PPP1R13L: variants seen among roughly 807,000 people sequenced by gnomAD.
PPP1R13L encodes relA-associated inhibitor.
In PPP1R13L, 50 loss-of-function variants were observed where a neutral mutation model predicts 80.9. That is an observed-to-expected ratio of 0.62 (90% confidence interval 0.49 to 0.78). The LOEUF (loss-of-function observed/expected upper bound fraction) is 0.78, where lower values mean the gene tolerates loss of function less well. Ranked by LOEUF, PPP1R13L falls within the 30% of genes least tolerant of loss-of-function variation. The pLI is 0.00. For missense variants in PPP1R13L, 1,200 were observed against 1,205.9 expected (o/e 1.00, Z 0.07); for synonymous variants, 602 against 534.3 (o/e 1.13, Z -1.75).
Position 45,385,106 on chromosome 19 carries a change from C to T in PPP1R13L, c.2248+456G>A, listed in dbSNP as rs901069776. Among the ~76,000 whole-genome samples the T allele has an allele frequency of 2.0e-5, 3 of 152,090 alleles. No homozygotes were observed. In the East Asian group the frequency reaches 5.8e-4, roughly 29 times the overall value. ...CCCGTCGGGGAACCAGGTGATGTAG[C>T]CTGCCCCCTGGAGAGATAGGGTACA... On this transcript the variant is annotated intron_variant, in intron 11 of 12. Transcript: ENST00000360957.
At chr19:45,386,470 A>G (rs1413760470) in intron 8 of PPP1R13L, among the ~76,000 whole-genome samples, 1 of 152,100 alleles carries the variant, frequency 6.6e-6, no homozygotes, top group African/African-American at 2.4e-5. Context: ...CAAAACAATG[A>G]TTGTGGAAGC....
chr19:45,396,777 C>A lies in PPP1R13L; in HGVS notation c.480G>T (p.Arg160=), dbSNP rs1207125225. The A allele has an allele frequency of 4.4e-6, 6 of 1,355,014 alleles. No homozygotes were observed. The Admixed American group carries it at 1.6e-4, about 37-fold the overall frequency. The allele number at this position is 1,355,014 out of a possible 1,614,324, so 83.9% of individuals were successfully genotyped here. A position where few individuals can be genotyped will look rare whatever the true frequency, so the allele number is the denominator to read the frequency against. The part of the protein sequence containing the change: ...GSSLGRAPSP[R]PGPGPLRQQG... ...GCTGGCGGAGCGGGCCTGGCCCGGG[C>A]CGCGGGGAGGGCGCACGGCCGAGGG... Residue 160 remains arginine, a synonymous_variant, in exon 4 of 13, where the codon CGG becomes CGT. Coordinates refer to ENST00000360957, the MANE Select transcript of PPP1R13L (RefSeq NM_006663.4). This position sits in a 1 kb window ranked among gnomAD's most constrained non-coding sequence, Gnocchi z 5.3.
intron 12 of PPP1R13L, among the ~76,000 whole-genome samples, chr19:45,380,695 C>T (rs10417235): frequency 0.64 from 97,474 of 151,678 alleles, 33,216 homozygotes; most frequent in African/African-American, 0.89. Context: ...GGTGCATGCC[C>T]GTAATCCCAG....
chr19:45,396,762 C>T lies in PPP1R13L; in HGVS notation c.495G>A (p.Pro165=), dbSNP rs750701742. The part of the protein sequence containing the change: ...RAPSPRPGPG[P]LRQQGPPTPF... ...GCGTGGGGGGACCCTGCTGGCGGAGCGGGCCTGGCCCGGGCCGCGGGGAGG... is the reference window on the plus strand; with the variant it reads ...GCGTGGGGGGACCCTGCTGGCGGAGTGGGCCTGGCCCGGGCCGCGGGGAGG... Residue 165 remains proline (P), a synonymous_variant, in exon 4 of 13, where the codon CCG becomes CCA. Transcript: ENST00000360957. This position sits in a 1 kb window ranked among gnomAD's most constrained non-coding sequence, Gnocchi z 5.3. The T allele has an allele frequency of 2.2e-6, 3 of 1,344,262 alleles. No homozygotes were observed. Among genetic ancestry groups the T allele is most frequent in the Non-Finnish European group, 2.8e-6 (3 of 1,057,730 alleles). 83.3% of individuals were successfully genotyped at this position (1,344,262 alleles called of 1,614,324 possible). A position where few individuals can be genotyped will look rare whatever the true frequency, so the allele number is the denominator to read the frequency against.
rs375641921 is a variant in PPP1R13L at position 45,384,875 on chromosome 19, G to A, written c.2248+687C>T. On this transcript the variant is annotated intron_variant, in intron 11 of 12. Transcript: ENST00000360957. ...CAAAAATAATAATAAATAAATATTT[G>A]TAGAGACAGGGGGTCTCTACAATGT... is the stretch of plus-strand genomic sequence containing the variant. Among the ~76,000 whole-genome samples, 11 of 152,068 alleles carry A rather than the reference G, an allele frequency of 7.2e-5. No homozygotes were observed. In the East Asian group the frequency reaches 1.7e-3, roughly 24 times the overall value.
upstream of PPP1R13L, among the ~76,000 whole-genome samples, chr19:45,405,998 A>G (rs983732382): frequency 6.6e-6 from 1 of 152,082 alleles, no homozygotes; most frequent in African/African-American, 2.4e-5. Flanking sequence ...GGGCATCTAC[A>G]AGTCCCATTT....
chr19:45,385,809 C>A lies in PPP1R13L; in HGVS notation c.2081+15G>T. ...CCCACGGGGGACCCAGCCCACCGCG[C>A]GGGTCGGGGCTCACCAGCCGTGGCT... On this transcript the variant is annotated intron_variant, in intron 10 of 12. Coordinates refer to ENST00000360957, the MANE Select transcript of PPP1R13L (RefSeq NM_006663.4). The A allele has an allele frequency of 6.2e-7, 1 of 1,608,458 alleles. No individual in the cohort carries two copies. The highest frequency in any genetic ancestry group is 8.5e-7 in the Non-Finnish European group (1 of 1,178,016).
At position 45,379,834 on chromosome 19, in the gene PPP1R13L, G is replaced by A. The variant is rs1363178959; in HGVS notation, c.*356C>T. 2 of 235,284 alleles carry A rather than the reference G, an allele frequency of 8.5e-6. No individual in the cohort carries two copies. Among genetic ancestry groups the A allele is most frequent in the Non-Finnish European group, 1.7e-5 (2 of 119,054 alleles). The allele number at this position is 235,284 out of a possible 1,614,324, so 14.6% of individuals were successfully genotyped here. A position where few individuals can be genotyped will look rare whatever the true frequency, so the allele number is the denominator to read the frequency against. On this transcript the variant is annotated 3_prime_UTR_variant, in exon 13 of 13. Coordinates refer to ENST00000360957, the MANE Select transcript of PPP1R13L (RefSeq NM_006663.4). ...GTGACTCCCAGGAATATCCAGTGGT[G>A]TGGTGGCCCATCCCAGGCCCGGCTG...
In PPP1R13L at chr19:45,386,184, G is replaced by T; in HGVS notation, c.1816-4C>A. On this transcript the variant is annotated splice_region_variant and splice_polypyrimidine_tract_variant and intron_variant, in intron 8 of 12. Transcript: ENST00000360957. ...TCCGCAGCACAGAGCGCATCTCCTGGGGGACAGGGCGCAGAGGTCAGCGAC... is the reference window on the plus strand; with the variant it reads ...TCCGCAGCACAGAGCGCATCTCCTGTGGGACAGGGCGCAGAGGTCAGCGAC... The T allele has an allele frequency of 6.6e-7, 1 of 1,515,318 alleles. No homozygotes were observed. Among genetic ancestry groups the T allele is most frequent in the Non-Finnish European group, 8.7e-7 (1 of 1,146,084 alleles). 93.9% of individuals were successfully genotyped at this position (1,515,318 alleles called of 1,614,324 possible).
chr19:45,385,586 C>CA lies in PPP1R13L; in HGVS notation c.2223dup (p.Ala742CysfsTer2). 6.2e-7 allele frequency: 1 copy of CA among 1,612,908 alleles called. No individual in the cohort carries two copies. Among genetic ancestry groups the CA allele is most frequent in the Non-Finnish European group, 8.5e-7 (1 of 1,179,744 alleles). On this transcript the variant is annotated frameshift_variant, in exon 11 of 13. Transcript: ENST00000360957. LOFTEE classifies it high-confidence loss of function. ...CCTGCCAGGTAGGTGGCGCAGTCAG[C>CA]ATAACCCTCGCGGTAAGGGTCGCAC...
At position 45,382,695 on chromosome 19, in the gene PPP1R13L, G is replaced by A. The variant is rs150096168; in HGVS notation, c.2280C>T (p.Ser760=). The A allele has an allele frequency of 9.3e-6, 15 of 1,613,908 alleles. No individual in the cohort carries two copies. The African/African-American group carries it at 1.7e-4, about 19-fold the overall frequency. The change falls in exon 12 of 13, where the codon AGC becomes AGT. Residue 760 remains serine, a synonymous_variant. Transcript: ENST00000360957. The part of the protein sequence containing the change: ...DVEQSMGLMN[S]GAVYALWDYS... ...AGTCCCAGAGAGCGTACACTGCCCC[G>A]CTGTTCATCAGCCCCATACTCTGCT...
intron 3 of PPP1R13L, among the ~76,000 whole-genome samples, chr19:45,397,684 C>T (rs1373327943): frequency 6.6e-6 from 1 of 151,610 alleles, no homozygotes; most frequent in Admixed American, 6.6e-5. Context: ...TCTTAAACTC[C>T]TGACCTCAAG....
At chr19:45,391,740 T>G (rs1210732375) in intron 8 of PPP1R13L, 140 bp downstream of exon 8, 2 of 587,814 alleles carry the variant, frequency 3.4e-6, no homozygotes, top group Non-Finnish European at 5.2e-6. Flanking sequence ...CCTACAGTCC[T>G]GGGCTGCAAA....
At position 45,385,628 on chromosome 19, in the gene PPP1R13L, C is replaced by T; in HGVS notation, c.2182G>A (p.Ala728Thr). 1 of 1,613,020 alleles carries T rather than the reference C, an allele frequency of 6.2e-7. No individual in the cohort carries two copies. Among genetic ancestry groups the T allele is most frequent in the African/African-American group, 1.3e-5 (1 of 75,068 alleles). ...GGGTCGCACTTCTCGAAGGCGGTGGCGCCGTCGCTGAGCGTGGTGGCGAAG... is the reference window on the plus strand; with the variant it reads ...GGGTCGCACTTCTCGAAGGCGGTGGTGCCGTCGCTGAGCGTGGTGGCGAAG... Reference protein sequence around the residue: ...AIFATTLSDGATAFEKCDPYR... With the variant: ...AIFATTLSDGTTAFEKCDPYR... The change falls in exon 11 of 13, where the codon GCC (alanine) becomes ACC (threonine). Residue 728 changes from alanine to threonine, a missense_variant. Ala to Thr is a moderately conservative substitution (Grantham distance 58). Around this residue, in one of 5 missense-constraint regions of PPP1R13L, gnomAD observed 165 missense variants for 177.1 expected, o/e 0.93. Coordinates refer to ENST00000360957, the MANE Select transcript of PPP1R13L (RefSeq NM_006663.4).
At chr19:45,385,019 G>T (rs1247782443) in intron 11 of PPP1R13L, among the ~76,000 whole-genome samples, 1 of 151,818 alleles carries the variant, frequency 6.6e-6, no homozygotes, top group African/African-American at 2.4e-5. Flanking sequence ...AGATACAACT[G>T]GCTCCTCCAG....
chr19:45,397,113 G>C (rs1973121126), intron 3 of PPP1R13L, 55 bp from the exon 4 acceptor site: 2 of 1,235,836 alleles, frequency 1.6e-6, no homozygotes, highest in Admixed American at 4.2e-5. Flanking sequence ...TAGTGGAAGG[G>C]TTGGTGTGTG....
chr19:45,391,301 C>T (rs1173048109), intron 8 of PPP1R13L, among the ~76,000 whole-genome samples: 1 of 152,058 alleles, frequency 6.6e-6, no homozygotes, highest in African/African-American at 2.4e-5. Flanking sequence ...CAAGACTTCT[C>T]AGTCCCAGAA....
Position 45,400,743 on chromosome 19 carries a change from A to G in PPP1R13L, c.-21-2404T>C, listed in dbSNP as rs7507578. On this transcript the variant is annotated intron_variant, in intron 1 of 12. Transcript: ENST00000360957. The stretch of plus-strand genomic sequence containing the variant: ...GCTGAGACTATAGGTATAGCCTCGC[A>G]CCACCACACCCAGCTAATTTTTTTT... Among the ~76,000 whole-genome samples, 302 of 30,666 alleles carry G rather than the reference A, an allele frequency of 9.8e-3. 24 individuals carry two copies. Among genetic ancestry groups the G allele is most frequent in the African/African-American group, 0.073 (121 of 1,668 alleles). The allele number at this position is 30,666 out of a possible 152,430, so 20.1% of individuals were successfully genotyped here.
In PPP1R13L at chr19:45,395,738, C is replaced by G. The variant is rs1973073027; in HGVS notation, c.1052G>C (p.Arg351Pro). Residue 351 changes from arginine to proline, a missense_variant, in exon 7 of 13, where the codon CGC becomes CCC. Around this residue, in one of 5 missense-constraint regions of PPP1R13L, gnomAD observed 764 missense variants for 714.5 expected, o/e 1.07. Coordinates refer to ENST00000360957, the MANE Select transcript of PPP1R13L (RefSeq NM_006663.4). Reference sequence around the variant, plus strand: ...GGGGCTGGAGGGGGGCATGGGGATGCGGCTGACGGGCTGCCAGCTGCGAGG... The same window carrying G: ...GGGGCTGGAGGGGGGCATGGGGATGGGGCTGACGGGCTGCCAGCTGCGAGG... The part of the protein sequence containing the change: ...TLPRSWQPVS[R>P]IPMPPSSPQP... 1 of 1,516,790 alleles carries G rather than the reference C, an allele frequency of 6.6e-7. No individual in the cohort carries two copies. Among genetic ancestry groups the G allele is most frequent in the Non-Finnish European group, 8.8e-7 (1 of 1,137,734 alleles). 94.0% of individuals were successfully genotyped at this position (1,516,790 alleles called of 1,614,324 possible).
Sources: gnomAD v4.1 joint callset for allele counts (sites outside exome capture counted in the v4.1 genomes callset) on GRCh38, gnomAD v4.1.1 for gene constraint, gnomAD v4.1.1 regional missense constraint, Gnocchi (gnomAD v3.1) non-coding constraint, MANE v1.5 for transcripts, NCBI Gene and HGNC (gene_info 2026-07-23, HGNC 2026-07-21) for gene names.